The following IQSEC3 variants were observed in gnomAD, a reference collection of about 807,000 sequenced individuals.
The protein encoded by IQSEC3 is IQ motif and Sec7 domain ArfGEF 3.
Under a neutral mutation model 105.4 loss-of-function variants are expected in IQSEC3, and 50 were observed. The ratio of observed to expected loss-of-function variants is 0.47; its 90% confidence interval spans 0.38 to 0.60. The LOEUF (loss-of-function observed/expected upper bound fraction) is 0.60. IQSEC3 is among the 20% of genes least tolerant of loss of function. IQSEC3 has a pLI of 0.00. For synonymous variants in IQSEC3, 708 were observed against 746.0 expected (o/e 0.95, Z 0.83); for missense variants, 1,415 against 1,630.0 (o/e 0.87, Z 2.27).
intron 1 of IQSEC3, among the ~76,000 whole-genome samples, chr12:84,193 A>T (rs990667983): frequency 9.9e-5 from 15 of 152,232 alleles, no homozygotes; most frequent in African/African-American, 3.6e-4. Context: ...CCCATATGAC[A>T]GTTGTTCACG....
chr12:100,917 A>G (rs1864403059), intron 2 of IQSEC3, among the ~76,000 whole-genome samples: 1 of 152,180 alleles, frequency 6.6e-6, no homozygotes, highest in African/African-American at 2.4e-5. Context: ...GCCCCTCCCC[A>G]TAAGCCCTCA....
chr12:105,970 T>G (rs567687252), intron 2 of IQSEC3, among the ~76,000 whole-genome samples: 210 of 152,336 alleles, frequency 1.4e-3, no homozygotes, highest in African/African-American at 4.8e-3. Context: ...GGCACGCAAC[T>G]TTTTGTCAGC....
At chr12:136,453 G>A (rs1349762516) in intron 3 of IQSEC3, among the ~76,000 whole-genome samples, 1 of 152,202 alleles carries the variant, frequency 6.6e-6, no homozygotes, top group East Asian at 1.9e-4. Context: ...CGGCTGGGCT[G>A]TGGGAGGCAG....
rs567957713 is a variant in IQSEC3 at position 91,459 on chromosome 12, TC to T, written c.555-7682del. On this transcript the variant is annotated intron_variant, in intron 1 of 13. Coordinates refer to ENST00000538872, the MANE Select transcript of IQSEC3 (RefSeq NM_001170738.2). ...ACTGTTGCTCCTCTGGCAGCGCTAC[TC>T]CCCCATCTTCCTGGTTCTTTAAGAA... 4.3e-3 allele frequency among the ~76,000 whole-genome samples: 655 copies of T among 152,134 alleles called. 5 individuals carry two copies. Among genetic ancestry groups the T allele is most frequent in the African/African-American group, 0.014 (592 of 41,472 alleles).
chr12:157,185 C>T (rs1591737666), intron 6 of IQSEC3, 38 bp downstream of exon 6: 2 of 1,496,832 alleles, frequency 1.3e-6, no homozygotes, highest in African/African-American at 1.4e-5. Context: ...CAACAGACCC[C>T]AGCGTGGGGA....
At chr12:143,484 C>G (rs1866120309) in intron 5 of IQSEC3, 1 of 153,064 alleles carries the variant, frequency 6.5e-6, no homozygotes, top group Non-Finnish European at 1.5e-5. Context: ...CCTTTCCCAT[C>G]TCTTAGTGCA....
intron 5 of IQSEC3, among the ~76,000 whole-genome samples, chr12:146,731 AAG>A: frequency 1.3e-5 from 2 of 152,138 alleles, no homozygotes; most frequent in South Asian, 4.2e-4. Context: ...AGGAGGAAGA[AAG>A]AGAGAGATAG....
chr12:98,142 G>T (rs369585528), intron 1 of IQSEC3, among the ~76,000 whole-genome samples: 3 of 152,180 alleles, frequency 2.0e-5, no homozygotes, highest in African/African-American at 7.2e-5. Context: ...TGCCTAGGAC[G>T]GCAACTGCTT....
intron 2 of IQSEC3, among the ~76,000 whole-genome samples, chr12:113,049 C>G (rs1006630873): frequency 1.3e-5 from 2 of 152,240 alleles, no homozygotes; most frequent in African/African-American, 4.8e-5. Context: ...GGCAGTGCGG[C>G]CTGGACACTG....
At chr12:114,825 T>C (rs960450154) in intron 2 of IQSEC3, among the ~76,000 whole-genome samples, 1 of 152,242 alleles carries the variant, frequency 6.6e-6, no homozygotes. Flanking sequence ...GTATTCCCCA[T>C]GCCAGGATCT....
chr12:141,144 A>G lies in IQSEC3; in HGVS notation c.2012A>G (p.Gln671Arg). The G allele has an allele frequency of 6.3e-7, 1 of 1,577,798 alleles. No homozygotes were observed. Among genetic ancestry groups the G allele is most frequent in the Non-Finnish European group, 8.6e-7 (1 of 1,162,060 alleles). ...LFNINPDKGI[Q>R]FLISRGFIPD... is the part of the protein sequence containing the mutation. ...TCCAGAAACCCCGACAAGGGCATCC[A>G]GTTCCTGATCTCACGCGGCTTCATC... Residue 671 changes from glutamine (Q) to arginine (R), a missense_variant, in exon 5 of 14, where the codon CAG becomes CGG. Physicochemically the swap from Gln to Arg is conservative, Grantham distance 43. Coordinates refer to ENST00000538872, the MANE Select transcript of IQSEC3 (RefSeq NM_001170738.2).
At chr12:172,652 C>T (rs1163556787) in intron 13 of IQSEC3, among the ~76,000 whole-genome samples, 1 of 152,208 alleles carries the variant, frequency 6.6e-6, no homozygotes, top group Non-Finnish European at 1.5e-5. Flanking sequence ...TGGCCAAGCC[C>T]CTCTGGCAGG....
At position 112,794 on chromosome 12, in the gene IQSEC3, G is replaced by C. The variant is rs183357707; in HGVS notation, c.624-12839G>C. On this transcript the variant is annotated intron_variant, in intron 2 of 13. Transcript: ENST00000538872. ...TGGCAGGTGGTGGGGTGCGAATGTT[G>C]ACCCTCTGGTGAAATGCAGTATTGG... Among the ~76,000 whole-genome samples the C allele has an allele frequency of 2.6e-3, 399 of 152,298 alleles. 1 individual carries two copies. Among genetic ancestry groups the C allele is most frequent in the African/African-American group, 8.6e-3 (357 of 41,562 alleles).
intron 3 of IQSEC3, among the ~76,000 whole-genome samples, chr12:130,064 G>A (rs1272509012): frequency 1.2e-4 from 18 of 152,234 alleles, no homozygotes; most frequent in African/African-American, 4.3e-4. Context: ...GGTGAGGACA[G>A]GGCACTCCAT....
At chr12:130,522 C>T (rs1865552607) in intron 3 of IQSEC3, among the ~76,000 whole-genome samples, 3 of 152,202 alleles carry the variant, frequency 2.0e-5, no homozygotes, top group Non-Finnish European at 2.9e-5. Context: ...ATGGAAGTGG[C>T]ACACAGGGTC....
intron 3 of IQSEC3, among the ~76,000 whole-genome samples, 156 bp downstream of exon 3, chr12:126,068 TC>T (rs1865395064): frequency 6.6e-6 from 1 of 152,186 alleles, no homozygotes; most frequent in African/African-American, 2.4e-5. Context: ...AGTTTGCCCT[TC>T]CCTGGACCAG....
intron 2 of IQSEC3, 68 bp downstream of exon 2, chr12:99,282 C>T (rs2136917669): frequency 7.0e-7 from 1 of 1,418,804 alleles, no homozygotes; most frequent in African/African-American, 1.4e-5. Flanking sequence ...AAGCACGTAC[C>T]ACTGCACTAG....
At chr12:168,920 TC>T (rs1938818674) in intron 11 of IQSEC3, 92 bp from the exon 12 acceptor site, 1 of 1,052,038 alleles carries the variant, frequency 9.5e-7, no homozygotes, top group Non-Finnish European at 1.5e-6. Flanking sequence ...CTCCTCCTCT[TC>T]CTCCCCTTTC....
chr12:165,056 C>T (rs1229131952), intron 9 of IQSEC3, among the ~76,000 whole-genome samples: 4 of 152,124 alleles, frequency 2.6e-5, no homozygotes, highest in Admixed American at 6.5e-5. Context: ...AAAAAGCTGC[C>T]GGGAGAGCTG....
Sources: gnomAD v4.1 joint callset for allele counts (sites outside exome capture counted in the v4.1 genomes callset) on GRCh38, gnomAD v4.1.1 for gene constraint, MANE v1.5 for transcripts, NCBI Gene and HGNC (gene_info 2026-07-23, HGNC 2026-07-21) for gene names.